The following POF1B variants were observed in gnomAD, a reference collection of about 807,000 sequenced individuals.
The protein encoded by POF1B is POF1B actin binding protein.
In POF1B, 53 loss-of-function variants were observed where a neutral mutation model predicts 55.3. The observed-to-expected ratio is 0.96, with a 90% CI of 0.77 to 1.20. POF1B has a LOEUF of 1.20. POF1B is among the 50% of genes most tolerant of loss of function. The probability of loss-of-function intolerance (pLI) is 0.00; values close to 1 mark genes in which losing one functional copy is unlikely to be tolerated. For missense variants in POF1B, 478 were observed against 420.5 expected (o/e 1.14, Z -1.20); for synonymous variants, 188 against 148.3 (o/e 1.27, Z -1.95).
At chrX:85,305,698 A>T in intron 13 of POF1B, 93 bp downstream of exon 13, 3 of 1,018,312 alleles carry the variant, frequency 2.9e-6, no homozygotes, top group South Asian at 2.8e-5. Context: ...CCTTCAGCTA[A>T]TTTTTTCTGG....
At chrX:85,321,342 C>T (rs752100622) in intron 7 of POF1B, among the ~76,000 whole-genome samples, 3 of 110,759 alleles carry the variant, frequency 2.7e-5, no homozygotes, top group South Asian at 3.9e-4. Flanking sequence ...AGACCAAAAC[C>T]ACATGATTAT....
intron 6 of POF1B, among the ~76,000 whole-genome samples, chrX:85,340,795 G>A (rs1351197460): frequency 9.0e-6 from 1 of 110,603 alleles, no homozygotes; most frequent in African/African-American, 3.3e-5. Context: ...GAGTTTCAAG[G>A]AGAGTAGAAA....
chrX:85,288,551 T>C (rs1035751481), intron 15 of POF1B, among the ~76,000 whole-genome samples: 5 of 111,384 alleles, frequency 4.5e-5, no homozygotes, highest in Non-Finnish European at 9.4e-5. Context: ...TGAAAGGCAG[T>C]GATATGGTTT....
At chrX:85,312,439 C>T (rs1337278261) in intron 9 of POF1B, among the ~76,000 whole-genome samples, 4 of 111,690 alleles carry the variant, frequency 3.6e-5, no homozygotes, top group African/African-American at 1.3e-4. Flanking sequence ...GGAATCTTTT[C>T]CCCATTGCTT....
intron 9 of POF1B, 124 bp from the exon 10 acceptor site, chrX:85,308,340 A>G: frequency 2.7e-6 from 1 of 373,424 alleles, no homozygotes; most frequent in Non-Finnish European, 4.7e-6. Context: ...GGCAAATTAG[A>G]AAGGTGATAT....
At chrX:85,319,897 A>C (rs552741680) in intron 7 of POF1B, among the ~76,000 whole-genome samples, 2 of 111,342 alleles carry the variant, frequency 1.8e-5, no homozygotes, top group South Asian at 7.5e-4. Flanking sequence ...ATGAGTTAGA[A>C]AGGAGTACCT....
At chrX:85,299,580 G>A (rs1475569800) in intron 15 of POF1B, among the ~76,000 whole-genome samples, 9 of 98,906 alleles carry the variant, frequency 9.1e-5, no homozygotes, top group Non-Finnish European at 1.2e-4. Flanking sequence ...GAGCCACCGC[G>A]CCCAGCCTCC....
chrX:85,289,776 G>A (rs1932140024), intron 15 of POF1B, among the ~76,000 whole-genome samples: 1 of 111,251 alleles, frequency 9.0e-6, no homozygotes, highest in Admixed American at 9.5e-5. Context: ...TACATAATCA[G>A]GCAAACAACC....
At chrX:85,371,908 C>A (rs562524195) in intron 2 of POF1B, among the ~76,000 whole-genome samples, 1 of 112,172 alleles carries the variant, frequency 8.9e-6, no homozygotes, top group South Asian at 3.7e-4. Context: ...CTCATATCAT[C>A]TAATCTCTTC....
chrX:85,351,574 G>A (rs1398699150), intron 4 of POF1B, 123 bp from the exon 5 acceptor site: 2 of 452,924 alleles, frequency 4.4e-6, no homozygotes, highest in Non-Finnish European at 7.6e-6. Flanking sequence ...GAAGAGAGAG[G>A]AATGACATCC....
chrX:85,303,325 G>T (rs1932498866), intron 15 of POF1B, 81 bp downstream of exon 15: 1 of 638,689 alleles, frequency 1.6e-6, no homozygotes, highest in Non-Finnish European at 2.4e-6. Context: ...TGTCTAGCTT[G>T]TATATACCAA....
chrX:85,307,239 A>G lies in POF1B; in HGVS notation c.1088T>C (p.Leu363Ser). Residue 363 changes from leucine to serine, a missense_variant, in exon 11 of 17, where the codon TTA (leucine) becomes TCA (serine). Physicochemically the swap from Leu to Ser is moderately radical, Grantham distance 145 (BLOSUM62 -2). Transcript: ENST00000262753. Reference protein sequence around the residue: ...ENDKMRLEKDLSFKDTQLKEY... With the variant: ...ENDKMRLEKDSSFKDTQLKEY... ...TTTTAATTGAGTGTCTTTGAATGATAAATCTTTCTCAAGTCTCATCTTGTC... is the reference window on the plus strand; with the variant it reads ...TTTTAATTGAGTGTCTTTGAATGATGAATCTTTCTCAAGTCTCATCTTGTC... 1 of 1,203,417 alleles carries G rather than the reference A, an allele frequency of 8.3e-7. No individual in the cohort carries two copies. Among genetic ancestry groups the G allele is most frequent in the South Asian group, 1.8e-5 (1 of 55,788 alleles).
chrX:85,368,777 A>C (rs1010920811), intron 2 of POF1B, among the ~76,000 whole-genome samples: 1 of 111,500 alleles, frequency 9.0e-6, no homozygotes, highest in African/African-American at 3.3e-5. Flanking sequence ...ATTTCCTCAA[A>C]ACCAACAAAA....
At chrX:85,349,779 C>T (rs1367445194) in intron 5 of POF1B, among the ~76,000 whole-genome samples, 1 of 111,075 alleles carries the variant, frequency 9.0e-6, no homozygotes, top group Non-Finnish European at 1.9e-5. Context: ...GACTTCTGGC[C>T]TCCAGAACTG....
At chrX:85,296,408 G>A (rs749827345) in intron 15 of POF1B, among the ~76,000 whole-genome samples, 2 of 111,861 alleles carry the variant, frequency 1.8e-5, no homozygotes, top group African/African-American at 6.5e-5. Context: ...TATCATTTCC[G>A]TAAGAACCTC....
chrX:85,317,877 T>C (rs1932801098), intron 7 of POF1B, among the ~76,000 whole-genome samples: 1 of 111,941 alleles, frequency 8.9e-6, no homozygotes, highest in Admixed American at 9.5e-5. Flanking sequence ...CACCATGGAA[T>C]ACTACGTACC....
Position 85,379,641 on chromosome X carries a change from G to GCTCTTGCTGCTGCTCAGGT in POF1B, c.-45_-44insACCTGAGCAGCAGCAAGAG. 2.1e-6 allele frequency: 1 copy of GCTCTTGCTGCTGCTCAGGT among 467,458 alleles called. No individual in the cohort carries two copies. Among genetic ancestry groups the GCTCTTGCTGCTGCTCAGGT allele is most frequent in the Non-Finnish European group, 3.6e-6 (1 of 280,109 alleles). 38.5% of individuals were successfully genotyped at this position (467,458 alleles called of 1,213,427 possible). A position where few individuals can be genotyped will look rare whatever the true frequency, so the allele number is the denominator to read the frequency against. On this transcript the variant is annotated 5_prime_UTR_variant, in exon 1 of 17. Coordinates refer to ENST00000262753, the MANE Select transcript of POF1B (RefSeq NM_024921.4). ...TGCCGGGAAGAGAAGAAAGCTACCT[G>GCTCTTGCTGCTGCTCAGGT]AGCAGCAGCAAGAGCAGGTCTGGCA...
At chrX:85,351,502 G>A (rs1933388189) in intron 4 of POF1B, 51 bp from the exon 5 acceptor site, 1 of 970,214 alleles carries the variant, frequency 1.0e-6, no homozygotes, top group Admixed American at 2.5e-5. Context: ...TCTTTTCAGA[G>A]TAACCTTAAA....
intron 7 of POF1B, among the ~76,000 whole-genome samples, chrX:85,317,487 A>G (rs771374911): frequency 5.5e-5 from 6 of 109,855 alleles, no homozygotes; most frequent in Non-Finnish European, 1.9e-5. Context: ...GTGAGAAGGT[A>G]TTTCATTGTG....
Sources: gnomAD v4.1 joint callset for allele counts (sites outside exome capture counted in the v4.1 genomes callset) on GRCh38, gnomAD v4.1.1 for gene constraint, MANE v1.5 for transcripts, NCBI Gene and HGNC (gene_info 2026-07-23, HGNC 2026-07-21) for gene names.